Variants in CREB3L2 observed in about 807,000 individuals in gnomAD.
The protein encoded by CREB3L2 is cyclic AMP-responsive element-binding protein 3-like protein 2.
Under a neutral mutation model 57.2 loss-of-function variants are expected in CREB3L2, and 23 were observed. The observed-to-expected ratio is 0.40, with a 90% CI of 0.29 to 0.57. The LOEUF (loss-of-function observed/expected upper bound fraction) is 0.57, where lower values mean the gene tolerates loss of function less well. Ranked by LOEUF, CREB3L2 falls within the 20% of genes least tolerant of loss-of-function variation. The pLI, the probability that CREB3L2 is intolerant of heterozygous loss-of-function variation, is 0.42. For synonymous variants in CREB3L2, 268 were observed against 265.1 expected (o/e 1.01, Z -0.11); for missense variants, 628 against 634.7 (o/e 0.99, Z 0.11).
At chr7:137,929,937 G>A (rs968108995) in intron 1 of CREB3L2, among the ~76,000 whole-genome samples, 8 of 150,038 alleles carry the variant, frequency 5.3e-5, no homozygotes, top group East Asian at 4.0e-4. Flanking sequence ...TTGCTCTGTC[G>A]CCCAGGCTGG....
chr7:137,959,413 T>C (rs564032207), intron 1 of CREB3L2, among the ~76,000 whole-genome samples: 1 of 152,238 alleles, frequency 6.6e-6, no homozygotes, highest in East Asian at 1.9e-4. Context: ...TCGCCACCCA[T>C]TCCCTAGAAG....
At chr7:137,899,099 AGG>A (rs1563243976) in intron 8 of CREB3L2, among the ~76,000 whole-genome samples, 1 of 23,908 alleles carries the variant, frequency 4.2e-5, no homozygotes, top group Non-Finnish European at 1.0e-4. Flanking sequence ...AGGAAAGAGA[AGG>A]AAGGAAGGAA....
intron 1 of CREB3L2, among the ~76,000 whole-genome samples, chr7:137,965,554 G>T (rs1801394670): frequency 6.6e-6 from 1 of 152,112 alleles, no homozygotes; most frequent in Admixed American, 6.6e-5. Flanking sequence ...GGTTCTTCTG[G>T]AATACTTCCT....
chr7:137,942,608 C>A (rs1286696839), intron 1 of CREB3L2, among the ~76,000 whole-genome samples: 1 of 152,036 alleles, frequency 6.6e-6, no homozygotes, highest in Admixed American at 6.5e-5. Flanking sequence ...CCATAATATT[C>A]TCTTTCTAAG....
intron 1 of CREB3L2, among the ~76,000 whole-genome samples, chr7:137,951,890 T>C (rs894132314): frequency 1.3e-5 from 2 of 152,092 alleles, no homozygotes; most frequent in Non-Finnish European, 2.9e-5. Flanking sequence ...CTTAGGAGGC[T>C]GAGGTGGGAG....
intron 1 of CREB3L2, among the ~76,000 whole-genome samples, chr7:137,937,483 A>G (rs956824167): frequency 1.3e-5 from 2 of 152,096 alleles, no homozygotes; most frequent in African/African-American, 4.8e-5. Context: ...TCACACAAGT[A>G]CCCTGCACAC....
intron 2 of CREB3L2, among the ~76,000 whole-genome samples, chr7:137,923,368 C>T (rs369391564): frequency 2.0e-5 from 3 of 152,148 alleles, no homozygotes; most frequent in East Asian, 1.9e-4. Context: ...AGCAAAATAG[C>T]GTGTATTACA....
At chr7:137,941,674 C>A (rs1189428128) in intron 1 of CREB3L2, among the ~76,000 whole-genome samples, 1 of 152,172 alleles carries the variant, frequency 6.6e-6, no homozygotes, top group Admixed American at 6.5e-5. Flanking sequence ...CAAGAGAGAT[C>A]AGAAAGGCAA....
chr7:137,996,546 G>C (rs1164334764), intron 1 of CREB3L2, among the ~76,000 whole-genome samples: 1 of 152,226 alleles, frequency 6.6e-6, no homozygotes, highest in Non-Finnish European at 1.5e-5. Flanking sequence ...TAACTCCAAA[G>C]TGGAACATCA....
intron 1 of CREB3L2, among the ~76,000 whole-genome samples, chr7:137,974,801 T>C (rs566773840): frequency 3.9e-5 from 6 of 152,290 alleles, no homozygotes; most frequent in Admixed American, 1.3e-4. Context: ...CAGTGAATGT[T>C]TGACTGCACC....
rs530277113 is a variant in CREB3L2, at chr7:137,917,308, C to T, written c.320-1296G>A. Among the ~76,000 whole-genome samples, 4 of 152,160 alleles carry T rather than the reference C, an allele frequency of 2.6e-5. No individual in the cohort carries two copies. In the East Asian group the frequency reaches 7.7e-4, roughly 29 times the overall value. ...GTTACTTTGGAGCTAGCGCTCAGCACTGCCTGGAAAAGCCGGGAGGAGGGA... is the reference window on the plus strand; with the variant it reads ...GTTACTTTGGAGCTAGCGCTCAGCATTGCCTGGAAAAGCCGGGAGGAGGGA... On this transcript the variant is annotated intron_variant, in intron 2 of 11. Transcript: ENST00000330387.
At chr7:137,948,439 C>T (rs1585651078) in intron 1 of CREB3L2, among the ~76,000 whole-genome samples, 1 of 152,314 alleles carries the variant, frequency 6.6e-6, no homozygotes, top group East Asian at 1.9e-4. Context: ...TCCATCTCCT[C>T]CAACTCTCCA....
intron 8 of CREB3L2, among the ~76,000 whole-genome samples, chr7:137,892,360 A>AAC (rs953657722): frequency 1.3e-5 from 2 of 151,932 alleles, no homozygotes; most frequent in African/African-American, 2.4e-5. Context: ...AAAAAAAAAA[A>AAC]AACAACTTGG....
chr7:137,903,418 T>C (rs762021396), intron 7 of CREB3L2, among the ~76,000 whole-genome samples: 1 of 152,170 alleles, frequency 6.6e-6, no homozygotes, highest in Non-Finnish European at 1.5e-5. Context: ...TTAATTCATC[T>C]TTTTCTAACA....
chr7:137,967,150 C>A (rs933480791), intron 1 of CREB3L2, among the ~76,000 whole-genome samples: 2 of 152,244 alleles, frequency 1.3e-5, no homozygotes, highest in African/African-American at 2.4e-5. Flanking sequence ...CAGCTGTCTG[C>A]AAGTCAGGAA....
intron 1 of CREB3L2, among the ~76,000 whole-genome samples, chr7:137,968,721 TG>T (rs1245348212): frequency 2.6e-5 from 4 of 152,094 alleles, no homozygotes; most frequent in African/African-American, 9.7e-5. Context: ...CCTCCTCCAA[TG>T]GGGGGTACAG....
Position 137,928,218 on chromosome 7 carries a change from G to C in CREB3L2, c.251C>G (p.Ser84Cys). 1 of 1,610,214 alleles carries C rather than the reference G, an allele frequency of 6.2e-7. No individual in the cohort carries two copies. The highest frequency in any genetic ancestry group is 1.1e-5 in the South Asian group (1 of 90,402). ...APLIQAEHSY[S>C]LCEEPRAQSP... Reference sequence around the variant, plus strand: ...CTGGGCCCGAGGCTCCTCGCACAGGGAGTAGCTGTGCTCAGCCTGGATGAG... The same window carrying C: ...CTGGGCCCGAGGCTCCTCGCACAGGCAGTAGCTGTGCTCAGCCTGGATGAG... The change falls in exon 2 of 12, where the codon TCC becomes TGC. Residue 84 changes from serine (S) to cysteine (C), a missense_variant. By Grantham distance (112) the Ser-to-Cys change is moderately radical. Transcript: ENST00000330387.
intron 1 of CREB3L2, among the ~76,000 whole-genome samples, chr7:137,940,098 T>C (rs945993539): frequency 1.3e-5 from 2 of 152,208 alleles, no homozygotes; most frequent in Admixed American, 1.3e-4. Flanking sequence ...GCTCATTATA[T>C]AAGGAAATTT....
At position 137,912,971 on chromosome 7, in the gene CREB3L2, C is replaced by T; in HGVS notation, c.583+20G>A. On this transcript the variant is annotated intron_variant, in intron 4 of 11. Transcript: ENST00000330387. Reference sequence around the variant, plus strand: ...AGACCATATCCATAACCCAAAGGGACACAGGGAGGGCAGACAGACCTTCTT... The same window carrying T: ...AGACCATATCCATAACCCAAAGGGATACAGGGAGGGCAGACAGACCTTCTT... 1 of 1,613,250 alleles carries T rather than the reference C, an allele frequency of 6.2e-7. No individual in the cohort carries two copies. The highest frequency in any genetic ancestry group is 8.5e-7 in the Non-Finnish European group (1 of 1,179,566).
Sources: allele counts gnomAD v4.1 joint callset (sites outside exome capture counted in the v4.1 genomes callset), GRCh38; gene constraint gnomAD v4.1.1; transcripts MANE v1.5; gene names NCBI Gene and HGNC (gene_info 2026-07-23, HGNC 2026-07-21).